The following WDR47 variants were observed in gnomAD, a reference collection of about 807,000 sequenced individuals.
WDR47 encodes the protein WD repeat domain 47, also known as WD repeat-containing protein 47.
WDR47 carries 32 observed loss-of-function variants against 97.2 expected under a neutral mutation model. That is an observed-to-expected ratio of 0.33 (90% CI 0.25 to 0.44). The LOEUF is 0.44. Ranked by LOEUF, WDR47 falls within the 20% of genes least tolerant of loss-of-function variation. The probability of loss-of-function intolerance (pLI) is 1.00; values close to 1 mark genes in which losing one functional copy is unlikely to be tolerated. For missense variants in WDR47, 782 were observed against 1,102.3 expected, an observed-to-expected ratio of 0.71 and a Z score of 4.11; for synonymous variants, 375 against 373.5, an observed-to-expected ratio of 1.00 and a Z score of -0.05.
At chr1:109,035,007 G>A (rs923730317) in intron 1 of WDR47, among the ~76,000 whole-genome samples, 2 of 151,560 alleles carry the variant, frequency 1.3e-5, no homozygotes, top group Non-Finnish European at 2.9e-5. Flanking sequence ...TATAACCCCA[G>A]CACTTGGGAG....
chr1:109,025,630 A>G (rs1557959557), intron 1 of WDR47, among the ~76,000 whole-genome samples: 1 of 151,898 alleles, frequency 6.6e-6, no homozygotes, highest in Non-Finnish European at 1.5e-5. Context: ...GCTACTTGGG[A>G]GGCTGAGGCA....
At position 108,982,794 on chromosome 1, in the gene WDR47, AG is replaced by A; in HGVS notation, c.2096-16del. ...CAGATCTGGTCCTGAAACAGTAGTA[AG>A]AATTAAAAAAAAAAAATGCTGCTCA... On this transcript the variant is annotated splice_polypyrimidine_tract_variant and intron_variant, in intron 11 of 14. Coordinates refer to ENST00000369962, the MANE Select transcript of WDR47 (RefSeq NM_001142551.2). 1.3e-6 allele frequency: 2 copies of A among 1,587,090 alleles called. No individual in the cohort carries two copies. The highest frequency in any genetic ancestry group is 1.4e-5 in the African/African-American group (1 of 72,974).
chr1:109,022,444 G>GTC (rs56189609), intron 2 of WDR47, among the ~76,000 whole-genome samples: 149,832 of 152,230 alleles, frequency 0.98, 73,788 homozygotes, highest in Middle Eastern at 1. Flanking sequence ...CCTTTTCAAA[G>GTC]TCCGATTTTC....
rs961207882 is a variant in WDR47 at position 108,995,806 on chromosome 1, C to T, written c.1465G>A (p.Gly489Arg). The T allele has an allele frequency of 2.1e-5, 34 of 1,613,836 alleles. No individual in the cohort carries two copies. The highest frequency in any genetic ancestry group is 2.9e-5 in the Non-Finnish European group (34 of 1,179,958). Residue 489 changes from glycine to arginine, a missense_variant, in exon 8 of 15, where the codon GGA becomes AGA. By Grantham distance (125) the Gly-to-Arg change is moderately radical (BLOSUM62 -2). Transcript: ENST00000369962. ...SIQKLGELNI[G>R]MDGLGNEVSA... Reference sequence around the variant, plus strand: ...ACCTCATTACCAAGGCCATCCATTCCAATATTTAATTCACCAAGCTTTTGA... The same window carrying T: ...ACCTCATTACCAAGGCCATCCATTCTAATATTTAATTCACCAAGCTTTTGA...
In WDR47 at chr1:109,029,868, T is replaced by A. The variant is rs562609336; in HGVS notation, c.-9-6347A>T. ...TCCAGCCTGGGCAACAGAGAAAGAC[T>A]TCGTCTCAAAAAAAAAAAAAGAAAG... On this transcript the variant is annotated intron_variant, in intron 1 of 14. Coordinates refer to ENST00000369962, the MANE Select transcript of WDR47 (RefSeq NM_001142551.2). Among the ~76,000 whole-genome samples, 36 of 147,976 alleles carry A rather than the reference T, an allele frequency of 2.4e-4. No individual in the cohort carries two copies. In the South Asian group the frequency reaches 5.5e-3, roughly 23 times the overall value.
chr1:109,016,440 G>A (rs573428681), intron 3 of WDR47, among the ~76,000 whole-genome samples: 70 of 152,234 alleles, frequency 4.6e-4, no homozygotes, highest in African/African-American at 1.6e-3. Context: ...GCTAAAAAAT[G>A]AGAGGAAGAT....
intron 13 of WDR47, among the ~76,000 whole-genome samples, chr1:108,981,388 A>G (rs997093904): frequency 6.6e-5 from 10 of 152,164 alleles, no homozygotes; most frequent in Admixed American, 5.2e-4. Flanking sequence ...ACCAAGAAAT[A>G]GGAATGGAAA....
chr1:109,031,211 T>C (rs1662587469), intron 1 of WDR47, among the ~76,000 whole-genome samples: 1 of 140,234 alleles, frequency 7.1e-6, no homozygotes, highest in African/African-American at 2.6e-5. Flanking sequence ...ATTTGTAACA[T>C]GGGTGCAGCA....
chr1:109,028,358 T>C (rs1186775439), intron 1 of WDR47, among the ~76,000 whole-genome samples: 1 of 111,972 alleles, frequency 8.9e-6, no homozygotes, highest in Non-Finnish European at 1.8e-5. Context: ...CTAATTTTTG[T>C]TGGGTTTTTT....
At chr1:109,015,473 G>A in intron 3 of WDR47, among the ~76,000 whole-genome samples, 1 of 150,960 alleles carries the variant, frequency 6.6e-6, no homozygotes, top group Non-Finnish European at 1.5e-5. Context: ...ACAGGCATGT[G>A]CCACCACATC....
rs535987171 is a variant in WDR47 at position 109,025,647 on chromosome 1, T to C, written c.-9-2126A>G. ...TACTTGGGAGGCTGAGGCAGGAGAA[T>C]TGCTTGAACCCAGGAGGCGGAGGTT... On this transcript the variant is annotated intron_variant, in intron 1 of 14. Coordinates refer to ENST00000369962, the MANE Select transcript of WDR47 (RefSeq NM_001142551.2). Among the ~76,000 whole-genome samples, 21 of 151,766 alleles carry C rather than the reference T, an allele frequency of 1.4e-4. No individual in the cohort carries two copies. The South Asian group carries it at 2.9e-3, about 21-fold the overall frequency.
chr1:108,971,721 A>T, intron 14 of WDR47, 149 bp from the exon 15 acceptor site: 1 of 827,030 alleles, frequency 1.2e-6, no homozygotes, highest in Non-Finnish European at 1.8e-6. Context: ...GGGATAAATT[A>T]CTACCTACCT....
At chr1:108,984,867 A>G (rs1432892662) in intron 10 of WDR47, among the ~76,000 whole-genome samples, 1 of 151,964 alleles carries the variant, frequency 6.6e-6, no homozygotes, top group East Asian at 1.9e-4. Flanking sequence ...ACAGAGTGAG[A>G]CTCTGTCTCA....
chr1:109,022,703 G>A (rs1458992724), intron 2 of WDR47, among the ~76,000 whole-genome samples: 1 of 151,996 alleles, frequency 6.6e-6, no homozygotes. Context: ...TCCTGCCTCA[G>A]CCTCCCGACT....
At chr1:109,033,746 C>T (rs1227352608) in intron 1 of WDR47, among the ~76,000 whole-genome samples, 1 of 152,176 alleles carries the variant, frequency 6.6e-6, no homozygotes, top group Non-Finnish European at 1.5e-5. Context: ...TGGTAAAACC[C>T]TGTCTCTACT....
At chr1:108,988,743 C>T (rs1384803156) in intron 9 of WDR47, among the ~76,000 whole-genome samples, 1 of 151,826 alleles carries the variant, frequency 6.6e-6, no homozygotes, top group Non-Finnish European at 1.5e-5. Context: ...TTAATGGAAA[C>T]ATTTGAATGT....
intron 1 of WDR47, chr1:109,030,110 GAAGAAGAAACAC>G (rs1161781762): frequency 4.7e-6 from 5 of 1,074,242 alleles, no homozygotes; most frequent in East Asian, 2.6e-5. Context: ...CAGAAGAAGA[GAAGAAGAAACAC>G]AAGAAGAAAC....
chr1:109,006,911 T>C (rs1660667793), intron 5 of WDR47, among the ~76,000 whole-genome samples: 1 of 152,154 alleles, frequency 6.6e-6, no homozygotes, highest in Admixed American at 6.6e-5. Context: ...TATTGTAGCA[T>C]GGTGTTAGCA....
intron 1 of WDR47, among the ~76,000 whole-genome samples, chr1:109,029,366 TACAA>T (rs1208567571): frequency 9.2e-5 from 14 of 151,758 alleles, no homozygotes; most frequent in African/African-American, 3.1e-4. Context: ...CTACTAAAAA[TACAA>T]ACAAATTGGC....
Sources: allele counts gnomAD v4.1 joint callset (sites outside exome capture counted in the v4.1 genomes callset), GRCh38; gene constraint gnomAD v4.1.1; transcripts MANE v1.5; gene names NCBI Gene and HGNC (gene_info 2026-07-23, HGNC 2026-07-21).